The following PRKN variants were observed in gnomAD, a reference collection of about 807,000 sequenced individuals.
PRKN encodes the protein E3 ubiquitin-protein ligase parkin.
In PRKN, 56 loss-of-function variants were observed where a neutral mutation model predicts 59.5. The observed-to-expected ratio is 0.94, with a 90% CI of 0.76 to 1.18. The LOEUF is 1.18. PRKN is among the 50% of genes most tolerant of loss of function. The pLI is 0.00. For synonymous variants in PRKN, 250 were observed against 222.1 expected (o/e 1.13, Z -1.12); for missense variants, 657 against 596.4 (o/e 1.10, Z -1.06).
chr6:161,878,993 C>T (rs1794831942), intron 6 of PRKN, among the ~76,000 whole-genome samples: 1 of 152,178 alleles, frequency 6.6e-6, no homozygotes, highest in Non-Finnish European at 1.5e-5. Flanking sequence ...CTCATCCTTA[C>T]CACCATTTCA....
Position 161,497,575 on chromosome 6 carries a change from T to TCACACA in PRKN, c.1083+51278_1083+51279insTGTGTG, listed in dbSNP as rs372106837. Among the ~76,000 whole-genome samples, 2,295 of 139,526 alleles carry TCACACA rather than the reference T, an allele frequency of 0.016. 47 individuals are homozygous for TCACACA. Among genetic ancestry groups the TCACACA allele is most frequent in the African/African-American group, 0.053 (1,809 of 34,202 alleles). The allele number at this position is 139,526 out of a possible 152,430, so 91.5% of individuals were successfully genotyped here. A position where few individuals can be genotyped will look rare whatever the true frequency, so the allele number is the denominator to read the frequency against. On this transcript the variant is annotated intron_variant, in intron 9 of 11. Transcript: ENST00000366898. The surrounding 1 kb of genome is among the most constrained non-coding windows in gnomAD (Gnocchi z 4.6). Reference sequence around the variant, plus strand: ...ACATGTCTCTCTCTCTCTCTCTCTCTCTCACACACACACACACACACACCA... The same window carrying TCACACA: ...ACATGTCTCTCTCTCTCTCTCTCTCTCACACACTCACACACACACACACACACACCA...
chr6:162,015,366 T>A (rs1269925475), intron 5 of PRKN, among the ~76,000 whole-genome samples: 1 of 152,054 alleles, frequency 6.6e-6, no homozygotes, highest in Non-Finnish European at 1.5e-5. Context: ...GATCAGAAAC[T>A]AGAGAAAAAA....
At position 162,542,883 on chromosome 6, in the gene PRKN, G is replaced by C. The variant is rs544665617; in HGVS notation, c.8-99410C>G. On this transcript the variant is annotated intron_variant, in intron 1 of 11. Coordinates refer to ENST00000366898, the MANE Select transcript of PRKN (RefSeq NM_004562.3). ...TCGGTTGGGCTTGGGCTTCTGTAGC[G>C]GGGGGCTCACTGCTCCGCCGAGTGC... Among the ~76,000 whole-genome samples, 4 of 152,014 alleles carry C rather than the reference G, an allele frequency of 2.6e-5. No homozygotes were observed. The East Asian group carries it at 7.7e-4, about 29-fold the overall frequency.
At chr6:161,375,857 G>C (rs973654273) in intron 10 of PRKN, among the ~76,000 whole-genome samples, 1 of 152,210 alleles carries the variant, frequency 6.6e-6, no homozygotes, top group Non-Finnish European at 1.5e-5. Context: ...TGTCGCAGCC[G>C]TTCCATCCCA....
intron 6 of PRKN, among the ~76,000 whole-genome samples, chr6:161,884,187 G>A (rs1342620784): frequency 6.6e-6 from 1 of 152,102 alleles, no homozygotes; most frequent in Non-Finnish European, 1.5e-5. Flanking sequence ...GTATTTTAGA[G>A]TTTCATGAAA....
chr6:162,222,687 G>A (rs1454641617), intron 3 of PRKN, among the ~76,000 whole-genome samples: 1 of 152,152 alleles, frequency 6.6e-6, no homozygotes, highest in African/African-American at 2.4e-5. Flanking sequence ...ATGTCTGCGG[G>A]TCAGACCTGA....
chr6:162,454,471 A>T (rs1161220846), intron 1 of PRKN, among the ~76,000 whole-genome samples: 1 of 152,360 alleles, frequency 6.6e-6, no homozygotes, highest in South Asian at 2.1e-4. Flanking sequence ...GAGACCATTT[A>T]CTATTCCTAT....
At chr6:161,814,987 C>G (rs1168022266) in intron 6 of PRKN, among the ~76,000 whole-genome samples, 1 of 152,320 alleles carries the variant, frequency 6.6e-6, no homozygotes, top group South Asian at 2.1e-4. Flanking sequence ...CACACAGTTT[C>G]TTCTCTGAAT....
chr6:162,524,924 T>C (rs766707128), intron 1 of PRKN, among the ~76,000 whole-genome samples: 1 of 152,194 alleles, frequency 6.6e-6, no homozygotes, highest in Non-Finnish European at 1.5e-5. Context: ...ACTGGCCCCA[T>C]GTACACTTTT....
At chr6:162,429,652 G>C (rs774268939) in intron 2 of PRKN, among the ~76,000 whole-genome samples, 9 of 151,968 alleles carry the variant, frequency 5.9e-5, no homozygotes, top group Non-Finnish European at 1.2e-4. Flanking sequence ...TCACACCCAC[G>C]ACACAAACTG....
At chr6:161,639,982 C>T (rs1422407583) in intron 7 of PRKN, among the ~76,000 whole-genome samples, 2 of 152,172 alleles carry the variant, frequency 1.3e-5, no homozygotes, top group Non-Finnish European at 2.9e-5. Flanking sequence ...AGATTTCATT[C>T]AAAACTGTTG....
intron 6 of PRKN, among the ~76,000 whole-genome samples, chr6:161,787,673 G>A (rs1218568285): frequency 6.6e-6 from 1 of 152,208 alleles, no homozygotes; most frequent in African/African-American, 2.4e-5. Context: ...GAGGCCAGGC[G>A]TGGTGGCTCA....
intron 1 of PRKN, among the ~76,000 whole-genome samples, chr6:162,638,323 C>T (rs886366082): frequency 3.9e-5 from 6 of 152,216 alleles, no homozygotes; most frequent in Middle Eastern, 3.4e-3. Flanking sequence ...AGCCTGTATA[C>T]GCTTGTTCTG....
At chr6:162,517,483 C>T (rs968753283) in intron 1 of PRKN, among the ~76,000 whole-genome samples, 4 of 151,714 alleles carry the variant, frequency 2.6e-5, no homozygotes, top group Non-Finnish European at 5.9e-5. Flanking sequence ...GTCTCGATCT[C>T]CTGACCTTGT....
intron 4 of PRKN, among the ~76,000 whole-genome samples, chr6:162,093,326 C>G (rs1779587281): frequency 6.6e-6 from 1 of 152,152 alleles, no homozygotes; most frequent in African/African-American, 2.4e-5. Flanking sequence ...TTGCCTCTAC[C>G]AGGAACTCTA....
At chr6:161,939,734 G>GA (rs898028128) in intron 6 of PRKN, among the ~76,000 whole-genome samples, 2 of 151,102 alleles carry the variant, frequency 1.3e-5, no homozygotes, top group African/African-American at 4.9e-5. Flanking sequence ...CCTCATCTCA[G>GA]AAAAAAATAA....
chr6:162,398,397 T>TTTTTG (rs1348437885), intron 2 of PRKN, among the ~76,000 whole-genome samples: 67 of 96,618 alleles, frequency 6.9e-4, no homozygotes, highest in African/African-American at 2.9e-3. Context: ...CTCTTTTTGT[T>TTTTTG]TTTTTTTTTT....
rs1329649016 is a variant in PRKN, at chr6:161,778,199, G to A, written c.871+7573C>T. Among the ~76,000 whole-genome samples the A allele has an allele frequency of 2.0e-5, 3 of 152,012 alleles. No individual in the cohort carries two copies. In the East Asian group the frequency reaches 5.8e-4, roughly 29 times the overall value. On this transcript the variant is annotated intron_variant, in intron 7 of 11. Coordinates refer to ENST00000366898, the MANE Select transcript of PRKN (RefSeq NM_004562.3). ...TGGTGACTATGCCACCCCAGCAGGA[G>A]GAGTCATTCCAATTTGTGGTGATCA...
chr6:162,046,957 A>T (rs912224819), intron 5 of PRKN, among the ~76,000 whole-genome samples: 1 of 152,132 alleles, frequency 6.6e-6, no homozygotes, highest in East Asian at 1.9e-4. Flanking sequence ...CTTGGTTTAG[A>T]AATAAGCTGT....
Sources: allele counts gnomAD v4.1 joint callset (sites outside exome capture counted in the v4.1 genomes callset), GRCh38; gene constraint gnomAD v4.1.1; non-coding constraint Gnocchi (gnomAD v3.1); transcripts MANE v1.5; gene names NCBI Gene and HGNC (gene_info 2026-07-23, HGNC 2026-07-21).